CA8: variants seen among roughly 807,000 people sequenced by gnomAD.
CA8 encodes the protein carbonic anhydrase 8 (inactive).
Under a neutral mutation model 41.4 loss-of-function variants are expected in CA8, and 22 were observed. The ratio of observed to expected loss-of-function variants is 0.53; its 90% CI spans 0.38 to 0.76. CA8 has a LOEUF of 0.76. CA8 is among the 30% of genes least tolerant of loss of function. CA8 has a pLI of 0.00. For synonymous variants in CA8, 121 were observed against 130.6 expected (o/e 0.93, Z 0.50); for missense variants, 270 against 352.8 (o/e 0.77, Z 1.88).
intron 2 of CA8, among the ~76,000 whole-genome samples, chr8:60,266,589 GAC>G (rs1428459637): frequency 6.6e-6 from 1 of 152,126 alleles, no homozygotes; most frequent in Non-Finnish European, 1.5e-5. Flanking sequence ...ATAGCTGATG[GAC>G]ATTCATTACC....
chr8:60,192,926 G>T (rs1806170771), intron 8 of CA8, among the ~76,000 whole-genome samples: 1 of 124,710 alleles, frequency 8.0e-6, no homozygotes, highest in Non-Finnish European at 1.6e-5. Context: ...CTTTCCTCCT[G>T]TCAACATCAT....
At chr8:60,225,305 T>C (rs1807393316) in intron 5 of CA8, among the ~76,000 whole-genome samples, 1 of 152,166 alleles carries the variant, frequency 6.6e-6, no homozygotes. Flanking sequence ...TCTCTATTGA[T>C]ACAGATGCAA....
rs546162939 is a variant in CA8, at chr8:60,219,929, TAAAAAAAAA to T, written c.738+2711_738+2719del. Among the ~76,000 whole-genome samples, 112 of 82,012 alleles carry T rather than the reference TAAAAAAAAA, an allele frequency of 1.4e-3. 2 individuals carry two copies. Among genetic ancestry groups the T allele is most frequent in the African/African-American group, 3.8e-3 (79 of 21,020 alleles). 53.8% of individuals were successfully genotyped at this position (82,012 alleles called of 152,430 possible). A position where few individuals can be genotyped will look rare whatever the true frequency, so the allele number is the denominator to read the frequency against. ...CTCTAGTATTTCCTAAATCTTAACT[TAAAAAAAAA>T]AAAAAAAAAAAAAAACACTTGACTA... On this transcript the variant is annotated intron_variant, in intron 7 of 8. Coordinates refer to ENST00000317995, the MANE Select transcript of CA8 (RefSeq NM_004056.6).
chr8:60,279,975 CA>C, intron 1 of CA8, 95 bp from the exon 2 acceptor site: 3 of 949,106 alleles, frequency 3.2e-6, no homozygotes, highest in Non-Finnish European at 4.8e-6. Flanking sequence ...CCCTTGATAT[CA>C]TGAAGAGAGT....
intron 3 of CA8, among the ~76,000 whole-genome samples, chr8:60,237,252 C>T (rs1482954827): frequency 6.6e-6 from 1 of 152,216 alleles, no homozygotes; most frequent in Non-Finnish European, 1.5e-5. Flanking sequence ...GAGACTGTAT[C>T]TTAAAAGCTT....
chr8:60,209,191 T>TA (rs1806746458), intron 7 of CA8, among the ~76,000 whole-genome samples: 1 of 152,174 alleles, frequency 6.6e-6, no homozygotes, highest in African/African-American at 2.4e-5. Context: ...TTTGTTAATG[T>TA]AAAAATGATA....
chr8:60,226,963 C>T, intron 4 of CA8, 28 bp from the exon 5 acceptor site: 1 of 1,529,998 alleles, frequency 6.5e-7, no homozygotes, highest in South Asian at 1.1e-5. Flanking sequence ...TAAACCACAA[C>T]CACAACATTT....
intron 8 of CA8, among the ~76,000 whole-genome samples, chr8:60,190,207 G>T (rs1486122260): frequency 1.3e-5 from 2 of 151,462 alleles, no homozygotes; most frequent in African/African-American, 4.8e-5. Flanking sequence ...ATTAATGCAG[G>T]ATTTCACAGA....
At chr8:60,191,910 A>G (rs1409944509) in intron 8 of CA8, among the ~76,000 whole-genome samples, 1 of 152,088 alleles carries the variant, frequency 6.6e-6, no homozygotes, top group Non-Finnish European at 1.5e-5. Context: ...TTGGTGTCCT[A>G]TTCATTTTTG....
chr8:60,219,012 C>G (rs111977943), intron 7 of CA8, among the ~76,000 whole-genome samples: 71 of 151,968 alleles, frequency 4.7e-4, no homozygotes, highest in African/African-American at 1.5e-3. Flanking sequence ...GCACGGGGTC[C>G]TACCAGTTTA....
intron 7 of CA8, among the ~76,000 whole-genome samples, chr8:60,214,576 C>T (rs1023131287): frequency 1.3e-5 from 2 of 152,188 alleles, no homozygotes; most frequent in African/African-American, 4.8e-5. Context: ...AGGGAAACAG[C>T]CCCTTCGATT....
chr8:60,215,287 TAC>T lies in CA8; in HGVS notation c.739-6370_739-6369del, dbSNP rs572980845. Among the ~76,000 whole-genome samples, 40 of 152,200 alleles carry T rather than the reference TAC, an allele frequency of 2.6e-4. 1 individual carries two copies. The highest frequency in any genetic ancestry group is 7.5e-4 in the African/African-American group (31 of 41,524). ...CGAATGCTTAGACGGTTGTTTATAT[TAC>T]AGTTATTTAATGGTTAAAATGTCCA... On this transcript the variant is annotated intron_variant, in intron 7 of 8. Coordinates refer to ENST00000317995, the MANE Select transcript of CA8 (RefSeq NM_004056.6).
At chr8:60,266,120 T>C (rs1803894517) in intron 2 of CA8, 71 bp from the exon 3 acceptor site, 1 of 1,476,840 alleles carries the variant, frequency 6.8e-7, no homozygotes, top group South Asian at 1.2e-5. Flanking sequence ...TTAGAGACTT[T>C]TTTTTTTTCC....
At chr8:60,278,497 C>T (rs548657073) in intron 2 of CA8, among the ~76,000 whole-genome samples, 7 of 152,310 alleles carry the variant, frequency 4.6e-5, no homozygotes, top group East Asian at 1.9e-4. Context: ...TATGCCAGAA[C>T]AGTCAGCATT....
Position 60,201,729 on chromosome 8 carries a change from GA to G in CA8, c.*35+7020del, listed in dbSNP as rs534264490. 5.0e-3 allele frequency among the ~76,000 whole-genome samples: 764 copies of G among 152,202 alleles called. 13 individuals are homozygous for G. The highest frequency in any genetic ancestry group is 1.3e-3 in the East Asian group (7 of 5,192). On this transcript the variant is annotated intron_variant, in intron 8 of 8. Transcript: ENST00000317995. The stretch of plus-strand genomic sequence containing the variant: ...TTCCAAGATAAATATGACGTTCACA[GA>G]AGTAAGTAAATACTTCCATTTAATT...
At position 60,239,187 on chromosome 8, in the gene CA8, T is replaced by C. The variant is rs1490081498; in HGVS notation, c.418-6808A>G. On this transcript the variant is annotated intron_variant, in intron 3 of 8. Coordinates refer to ENST00000317995, the MANE Select transcript of CA8 (RefSeq NM_004056.6). ...GACAAAATCACAGCTCACCGCAGCCTTGAACTCCTGGGCTCAGGTGATCCT... is the reference window on the plus strand; with the variant it reads ...GACAAAATCACAGCTCACCGCAGCCCTGAACTCCTGGGCTCAGGTGATCCT... 2.6e-5 allele frequency among the ~76,000 whole-genome samples: 4 copies of C among 152,178 alleles called. No homozygotes were observed. In the East Asian group the frequency reaches 7.7e-4, roughly 29 times the overall value.
At chr8:60,227,327 C>T (rs960621635) in intron 4 of CA8, among the ~76,000 whole-genome samples, 3 of 151,962 alleles carry the variant, frequency 2.0e-5, no homozygotes, top group African/African-American at 4.8e-5. Flanking sequence ...GGTTCTAGTC[C>T]ATCTGAATGT....
At chr8:60,274,882 T>C (rs1804182727) in intron 2 of CA8, among the ~76,000 whole-genome samples, 1 of 152,168 alleles carries the variant, frequency 6.6e-6, no homozygotes, top group Admixed American at 6.5e-5. Flanking sequence ...GCATTAGAGA[T>C]ACTTCTGAAT....
chr8:60,275,138 T>C (rs1014043678), intron 2 of CA8, among the ~76,000 whole-genome samples: 3 of 152,114 alleles, frequency 2.0e-5, no homozygotes, highest in Admixed American at 1.3e-4. Flanking sequence ...ATATTCCAGA[T>C]AAACCAATAT....
Sources: gnomAD v4.1 joint callset for allele counts (sites outside exome capture counted in the v4.1 genomes callset) on GRCh38, gnomAD v4.1.1 for gene constraint, MANE v1.5 for transcripts, NCBI Gene and HGNC (gene_info 2026-07-23, HGNC 2026-07-21) for gene names.